RBPMS: variants seen among roughly 807,000 people sequenced by gnomAD.
RBPMS encodes the protein RNA binding protein, mRNA processing factor, also known as RNA-binding protein with multiple splicing.
In RBPMS, 7 loss-of-function variants were observed where a neutral mutation model predicts 26.8. That is an observed-to-expected ratio of 0.26 (90% CI 0.15 to 0.49). RBPMS has a LOEUF of 0.49. RBPMS is among the 20% of genes least tolerant of loss of function. The probability of loss-of-function intolerance (pLI) is 0.98; values close to 1 mark genes in which losing one functional copy is unlikely to be tolerated. For missense variants in RBPMS, 186 were observed against 250.0 expected, an observed-to-expected ratio of 0.74 and a Z score of 1.73; for synonymous variants, 96 against 93.3, an observed-to-expected ratio of 1.03 and a Z score of -0.17.
At chr8:30,556,283 C>G in intron 6 of RBPMS, 1 of 985,448 alleles carries the variant, frequency 1.0e-6, no homozygotes, top group Non-Finnish European at 1.2e-6. Flanking sequence ...AGCTCGGAAC[C>G]CGCCTTCATG....
chr8:30,435,748 G>T (rs1027666304), intron 1 of RBPMS, among the ~76,000 whole-genome samples: 1 of 152,200 alleles, frequency 6.6e-6, no homozygotes, highest in African/African-American at 2.4e-5. Flanking sequence ...GAATACTCTT[G>T]AAGAGTCTTC....
intron 4 of RBPMS, among the ~76,000 whole-genome samples, chr8:30,495,379 T>C (rs1819833105): frequency 6.6e-6 from 1 of 151,586 alleles, no homozygotes; most frequent in African/African-American, 2.4e-5. Context: ...AATTAGGCAA[T>C]CAAGCGAGAA....
At chr8:30,461,024 G>A (rs932956221) in intron 1 of RBPMS, among the ~76,000 whole-genome samples, 1 of 149,300 alleles carries the variant, frequency 6.7e-6, no homozygotes, top group Non-Finnish European at 1.5e-5. Flanking sequence ...CTGCATTCCA[G>A]CCTGGGTGAC....
chr8:30,428,370 C>T (rs1811587480), intron 1 of RBPMS, among the ~76,000 whole-genome samples: 1 of 151,866 alleles, frequency 6.6e-6, no homozygotes, highest in Non-Finnish European at 1.5e-5. Context: ...GTGGGAGGAT[C>T]GCTTGAGCCA....
intron 1 of RBPMS, among the ~76,000 whole-genome samples, chr8:30,408,434 C>G (rs1375057229): frequency 6.6e-6 from 1 of 152,190 alleles, no homozygotes; most frequent in Non-Finnish European, 1.5e-5. Context: ...AAGGCTGAGG[C>G]AGGAGAATCG....
At chr8:30,547,172 T>C (rs1825938816) in intron 6 of RBPMS, 1 of 732,670 alleles carries the variant, frequency 1.4e-6, no homozygotes, top group Non-Finnish European at 2.3e-6. Flanking sequence ...CTCCCCATAT[T>C]GGAGAATTCA....
intron 1 of RBPMS, among the ~76,000 whole-genome samples, chr8:30,444,161 G>T (rs1240987228): frequency 2.0e-5 from 3 of 152,124 alleles, no homozygotes; most frequent in South Asian, 2.1e-4. Flanking sequence ...CTCCCAAATT[G>T]CTGGGATTAC....
chr8:30,465,813 A>T (rs1289173441), intron 1 of RBPMS, among the ~76,000 whole-genome samples: 1 of 152,178 alleles, frequency 6.6e-6, no homozygotes, highest in Non-Finnish European at 1.5e-5. Flanking sequence ...GTCCTATCAG[A>T]ATTAGAGCTT....
intron 1 of RBPMS, among the ~76,000 whole-genome samples, chr8:30,472,028 C>A (rs1817163978): frequency 6.6e-6 from 1 of 152,054 alleles, no homozygotes; most frequent in Admixed American, 6.5e-5. Context: ...AAAGCATATA[C>A]CTTTCATATA....
At chr8:30,439,230 TTGTG>T (rs2150699656) in intron 1 of RBPMS, among the ~76,000 whole-genome samples, 1 of 152,194 alleles carries the variant, frequency 6.6e-6, no homozygotes, top group African/African-American at 2.4e-5. Context: ...GAGATAAACT[TTGTG>T]TGTGCTCTCC....
chr8:30,507,851 C>G (rs1001854390), intron 5 of RBPMS, among the ~76,000 whole-genome samples: 1 of 152,126 alleles, frequency 6.6e-6, no homozygotes, highest in East Asian at 1.9e-4. Flanking sequence ...GCCAGATCCT[C>G]TCCTAAGCAT....
chr8:30,558,531 A>G (rs1317921271), intron 6 of RBPMS: 5 of 390,306 alleles, frequency 1.3e-5, no homozygotes, highest in Non-Finnish European at 2.4e-5. Flanking sequence ...GCCATTAGAT[A>G]GCCTTTCACC....
intron 1 of RBPMS, among the ~76,000 whole-genome samples, chr8:30,461,958 G>T (rs1010641048): frequency 2.6e-5 from 4 of 152,188 alleles, no homozygotes; most frequent in Admixed American, 2.0e-4. Flanking sequence ...GTAATCTTTA[G>T]AGATTGGCTT....
At chr8:30,514,739 T>A (rs964799945) in intron 5 of RBPMS, among the ~76,000 whole-genome samples, 31 of 139,850 alleles carry the variant, frequency 2.2e-4, no homozygotes, top group African/African-American at 6.8e-4. Flanking sequence ...TTGGCCACGC[T>A]GGTCTCAAAC....
chr8:30,432,933 G>A (rs962180176), intron 1 of RBPMS, among the ~76,000 whole-genome samples: 12 of 152,196 alleles, frequency 7.9e-5, no homozygotes, highest in African/African-American at 2.4e-4. Context: ...ATCACACAGG[G>A]TCTGGAAGCA....
chr8:30,511,090 A>G (rs1435607976), intron 5 of RBPMS, among the ~76,000 whole-genome samples: 5 of 151,342 alleles, frequency 3.3e-5, no homozygotes, highest in Non-Finnish European at 4.4e-5. Flanking sequence ...GGTGATCTCA[A>G]GTGATCAGGA....
At chr8:30,515,483 C>T (rs768340537) in intron 5 of RBPMS, among the ~76,000 whole-genome samples, 3 of 152,072 alleles carry the variant, frequency 2.0e-5, no homozygotes, top group Non-Finnish European at 4.4e-5. Flanking sequence ...TCATATACTA[C>T]AGCCAATACA....
intron 1 of RBPMS, among the ~76,000 whole-genome samples, chr8:30,462,493 G>A (rs145770938): frequency 1.3e-5 from 2 of 151,700 alleles, no homozygotes; most frequent in Non-Finnish European, 2.9e-5. Flanking sequence ...GTGCAATCTC[G>A]GCTCACTCCA....
chr8:30,472,355 C>CAT (rs1288153845), intron 1 of RBPMS, among the ~76,000 whole-genome samples: 2 of 152,152 alleles, frequency 1.3e-5, no homozygotes, highest in Non-Finnish European at 2.9e-5. Context: ...GTGTTTGAGA[C>CAT]ATATATACTA....
Sources: allele counts gnomAD v4.1 joint callset (sites outside exome capture counted in the v4.1 genomes callset), GRCh38; gene constraint gnomAD v4.1.1; transcripts MANE v1.5; gene names NCBI Gene and HGNC (gene_info 2026-07-23, HGNC 2026-07-21).